Variants in SMIM14 observed in about 807,000 individuals in gnomAD.
The protein encoded by SMIM14 is chromosome 4 open reading frame 34.
Under a neutral mutation model 12.6 loss-of-function variants are expected in SMIM14, and 5 were observed. The ratio of observed to expected loss-of-function variants is 0.40; its 90% confidence interval spans 0.21 to 0.83. The LOEUF is 0.83. Among genes scored for constraint, SMIM14 ranks in the 40% least tolerant of loss-of-function variants. The pLI is 0.37. For missense variants in SMIM14, 86 were observed against 119.1 expected (o/e 0.72, Z 1.29); for synonymous variants, 30 against 40.1 (o/e 0.75, Z 0.95).
chr4:39,587,718 C>T lies in SMIM14; in HGVS notation c.76-15255G>A, dbSNP rs570227656. Among the ~76,000 whole-genome samples, 3 of 152,036 alleles carry T rather than the reference C, an allele frequency of 2.0e-5. No individual in the cohort carries two copies. The East Asian group carries it at 5.8e-4, about 29-fold the overall frequency. On this transcript the variant is annotated intron_variant, in intron 2 of 4. Coordinates refer to ENST00000295958, the MANE Select transcript of SMIM14 (RefSeq NM_174921.3). ...CCCAGGCTATGGTCAAGCCATTGCCCTCCATCCTGGGTGACAGAGCAAGAC... is the reference window on the plus strand; with the variant it reads ...CCCAGGCTATGGTCAAGCCATTGCCTTCCATCCTGGGTGACAGAGCAAGAC...
chr4:39,618,336 C>T (rs1560306308), intron 1 of SMIM14, among the ~76,000 whole-genome samples: 3 of 152,158 alleles, frequency 2.0e-5, no homozygotes, highest in Non-Finnish European at 2.9e-5. Context: ...GATGTGATCA[C>T]CACTCTCAAG....
intron 1 of SMIM14, among the ~76,000 whole-genome samples, chr4:39,613,777 T>C (rs562984073): frequency 6.6e-6 from 1 of 152,326 alleles, no homozygotes; most frequent in African/African-American, 2.4e-5. Context: ...AGAACAATGC[T>C]AATACCAAAG....
At chr4:39,629,823 C>T (rs1424577662) in intron 1 of SMIM14, among the ~76,000 whole-genome samples, 4 of 151,824 alleles carry the variant, frequency 2.6e-5, no homozygotes, top group African/African-American at 2.4e-5. Flanking sequence ...GAGGGGGTCT[C>T]GATGTGTTGC....
At chr4:39,605,695 A>G (rs73240625) in intron 1 of SMIM14, among the ~76,000 whole-genome samples, 51,811 of 151,982 alleles carry the variant, frequency 0.34, 9,191 homozygotes, top group Middle Eastern at 0.43. Flanking sequence ...GCCTAAAACA[A>G]TTTTTTAAAA....
intron 1 of SMIM14, among the ~76,000 whole-genome samples, chr4:39,625,941 T>A: frequency 6.6e-6 from 1 of 152,052 alleles, no homozygotes; most frequent in East Asian, 1.9e-4. Context: ...AGTGCAGGGG[T>A]CCCCAGCCTC....
chr4:39,628,922 G>A (rs183055431), intron 1 of SMIM14, among the ~76,000 whole-genome samples: 59 of 150,612 alleles, frequency 3.9e-4, no homozygotes, highest in African/African-American at 1.3e-3. Context: ...TAGTAGAGAC[G>A]GAGTTTTGCC....
intron 1 of SMIM14, among the ~76,000 whole-genome samples, chr4:39,606,167 G>A (rs902323360): frequency 3.3e-5 from 5 of 151,808 alleles, no homozygotes; most frequent in Non-Finnish European, 5.9e-5. Context: ...GCAACCTAGT[G>A]AGACCTCACC....
intron 1 of SMIM14, among the ~76,000 whole-genome samples, chr4:39,635,293 T>TA (rs1327942678): frequency 9.2e-5 from 14 of 152,200 alleles, no homozygotes; most frequent in Non-Finnish European, 4.4e-5. Flanking sequence ...AGTAGAAGGA[T>TA]ACAAGGTAAG....
At chr4:39,602,320 C>T (rs909900438) in intron 2 of SMIM14, among the ~76,000 whole-genome samples, 8 of 149,660 alleles carry the variant, frequency 5.3e-5, no homozygotes, top group Non-Finnish European at 8.9e-5. Context: ...ATTGGCCGGG[C>T]GCAGTGGCTC....
intron 1 of SMIM14, among the ~76,000 whole-genome samples, chr4:39,629,194 C>T (rs899718042): frequency 5.3e-5 from 8 of 151,304 alleles, no homozygotes; most frequent in Non-Finnish European, 1.0e-4. Flanking sequence ...AAACCCATAT[C>T]TACTAAAAAT....
In SMIM14 at chr4:39,619,860, T is replaced by TA. The variant is rs1715404638; in HGVS notation, c.-35-14681_-35-14680insT. Among the ~76,000 whole-genome samples, 27 of 111,076 alleles carry TA rather than the reference T, an allele frequency of 2.4e-4. 2 individuals carry two copies. Among genetic ancestry groups the TA allele is most frequent in the African/African-American group, 9.5e-4 (25 of 26,370 alleles). 72.9% of individuals were successfully genotyped at this position (111,076 alleles called of 152,430 possible). ...AATGTATATATATATTTATATATAT[T>TA]TATATATATATATATATTTTTTTTT... On this transcript the variant is annotated intron_variant, in intron 1 of 4. Transcript: ENST00000295958.
chr4:39,632,777 A>T (rs1207601696), intron 1 of SMIM14, among the ~76,000 whole-genome samples: 33 of 2,302 alleles, frequency 0.014, no homozygotes, highest in African/African-American at 0.03. Flanking sequence ...GACTCCCGTC[A>T]CACACACACA....
At chr4:39,618,649 C>CAAAAAAA (rs34837742) in intron 1 of SMIM14, among the ~76,000 whole-genome samples, 3 of 92,396 alleles carry the variant, frequency 3.2e-5, no homozygotes, top group African/African-American at 4.4e-5. Flanking sequence ...GACTCCATCT[C>CAAAAAAA]AAAAAAAAAA....
chr4:39,622,487 A>G (rs1578365960), intron 1 of SMIM14, among the ~76,000 whole-genome samples: 2 of 148,052 alleles, frequency 1.4e-5, no homozygotes, highest in African/African-American at 2.5e-5. Context: ...CGCAACCTCC[A>G]CCTCCCGGAT....
chr4:39,621,174 G>A (rs1028999395), intron 1 of SMIM14: 3 of 151,814 alleles, frequency 2.0e-5, no homozygotes, highest in Non-Finnish European at 4.4e-5. Flanking sequence ...TGATCTTCAG[G>A]GAAGGACCCC....
At position 39,552,077 on chromosome 4, in the gene SMIM14, C is replaced by T. The variant is rs373221151; in HGVS notation, c.*49G>A. On this transcript the variant is annotated 3_prime_UTR_variant, in exon 5 of 5. Coordinates refer to ENST00000295958, the MANE Select transcript of SMIM14 (RefSeq NM_174921.3). ...TAAGAGTACTCTGGTCATCTTCGTTCGTTTGGTCGTGCAAGGTGTTAACTA... is the reference window on the plus strand; with the variant it reads ...TAAGAGTACTCTGGTCATCTTCGTTTGTTTGGTCGTGCAAGGTGTTAACTA... 448 of 1,506,500 alleles carry T rather than the reference C, an allele frequency of 3.0e-4. No individual in the cohort carries two copies. The highest frequency in any genetic ancestry group is 3.9e-4 in the Non-Finnish European group (430 of 1,110,332). The allele number at this position is 1,506,500 out of a possible 1,614,324, so 93.3% of individuals were successfully genotyped here. A position where few individuals can be genotyped will look rare whatever the true frequency, so the allele number is the denominator to read the frequency against.
At chr4:39,631,584 G>A (rs1427668393) in intron 1 of SMIM14, among the ~76,000 whole-genome samples, 12 of 151,922 alleles carry the variant, frequency 7.9e-5, no homozygotes, top group East Asian at 3.9e-4. Context: ...GCATGAACCC[G>A]GGAAGCGGAG....
At chr4:39,560,065 T>G (rs1340850500) in intron 3 of SMIM14, among the ~76,000 whole-genome samples, 1 of 151,790 alleles carries the variant, frequency 6.6e-6, no homozygotes, top group Non-Finnish European at 1.5e-5. Flanking sequence ...GAGGTTGCAG[T>G]GAGCTGTAAT....
At chr4:39,632,494 A>C (rs1715940615) in intron 1 of SMIM14, among the ~76,000 whole-genome samples, 2 of 151,768 alleles carry the variant, frequency 1.3e-5, no homozygotes, top group South Asian at 2.1e-4. Context: ...AAAAAAAAAA[A>C]AAAAAACCTT....
Sources: allele counts gnomAD v4.1 joint callset (sites outside exome capture counted in the v4.1 genomes callset), GRCh38; gene constraint gnomAD v4.1.1; transcripts MANE v1.5; gene names NCBI Gene and HGNC (gene_info 2026-07-23, HGNC 2026-07-21).